Variants in PINX1 observed in about 807,000 individuals in gnomAD.
The protein encoded by PINX1 is PIN2/TERF1-interacting telomerase inhibitor 1.
In PINX1, 34 loss-of-function variants were observed where a neutral mutation model predicts 25.4. The ratio of observed to expected loss-of-function variants is 1.34; its 90% confidence interval spans 1.02 to 1.78. PINX1 has a LOEUF of 1.78. Among genes scored for constraint, PINX1 ranks in the 40% most tolerant of loss-of-function variants. PINX1 has a pLI of 0.00. For synonymous variants in PINX1, 197 were observed against 147.7 expected, an observed-to-expected ratio of 1.33 and a Z score of -2.42; for missense variants, 592 against 404.9, an observed-to-expected ratio of 1.46 and a Z score of -3.97.
intron 6 of PINX1, among the ~76,000 whole-genome samples, chr8:10,772,856 T>G (rs1297043280): frequency 6.6e-6 from 1 of 152,096 alleles, no homozygotes; most frequent in East Asian, 1.9e-4. Flanking sequence ...AAGCCCACTC[T>G]GCAGGGGTTC....
rs115837746 is a variant in PINX1 at position 10,769,307 on chromosome 8, T to C, written c.472-3391A>G. ...CCTAATAAAATAAGCAGGACTGGCCTAGTCTGTTCACAGCAAGCCTCACAG... is the reference window on the plus strand; with the variant it reads ...CCTAATAAAATAAGCAGGACTGGCCCAGTCTGTTCACAGCAAGCCTCACAG... On this transcript the variant is annotated intron_variant, in intron 6 of 6. Coordinates refer to ENST00000314787, the MANE Select transcript of PINX1 (RefSeq NM_017884.6). 4.6e-3 allele frequency among the ~76,000 whole-genome samples: 701 copies of C among 152,338 alleles called. 2 individuals carry two copies. The highest frequency in any genetic ancestry group is 0.016 in the African/African-American group (667 of 41,578).
Position 10,839,860 on chromosome 8 carries a change from G to A in PINX1, c.-104C>T. 4.7e-6 allele frequency: 5 copies of A among 1,075,022 alleles called. No homozygotes were observed. Among genetic ancestry groups the A allele is most frequent in the Non-Finnish European group, 5.4e-6 (4 of 746,098 alleles). The allele number at this position is 1,075,022 out of a possible 1,614,324, so 66.6% of individuals were successfully genotyped here. On this transcript the variant is annotated 5_prime_UTR_variant, in exon 1 of 7. Transcript: ENST00000314787. ...CAGGACGTGCGTAACTCCCTCGCCG[G>A]CGGACTGCAGCGGACGGGGCGCGTG...
At chr8:10,829,028 C>T (rs1285553877) in intron 4 of PINX1, among the ~76,000 whole-genome samples, 1 of 152,108 alleles carries the variant, frequency 6.6e-6, no homozygotes, top group Admixed American at 6.5e-5. Flanking sequence ...TGGCTAAAGC[C>T]TGTAACCCCA....
At chr8:10,804,331 G>T (rs953053617) in intron 6 of PINX1, among the ~76,000 whole-genome samples, 2 of 152,190 alleles carry the variant, frequency 1.3e-5, no homozygotes, top group African/African-American at 4.8e-5. Flanking sequence ...ATAAAACAAT[G>T]AGCCAGAACG....
intron 5 of PINX1, among the ~76,000 whole-genome samples, chr8:10,822,415 A>G (rs1371480749): frequency 6.6e-6 from 1 of 152,252 alleles, no homozygotes. Flanking sequence ...AATAGGAAAC[A>G]TCTATCTGGA....
At chr8:10,831,063 T>C (rs1205184234) in intron 4 of PINX1, among the ~76,000 whole-genome samples, 1 of 152,200 alleles carries the variant, frequency 6.6e-6, no homozygotes, top group Non-Finnish European at 1.5e-5. Flanking sequence ...CACCAACACA[T>C]GAACTGGGAA....
rs1563197589 is a variant in PINX1 at position 10,765,886 on chromosome 8, T to A, written c.502A>T (p.Asn168Tyr). The change falls in exon 7 of 7, where the codon AAC becomes TAC. Residue 168 changes from asparagine (N) to tyrosine (Y), a missense_variant. By Grantham distance (143) the Asn-to-Tyr change is moderately radical. Coordinates refer to ENST00000314787, the MANE Select transcript of PINX1 (RefSeq NM_017884.6). Reference protein sequence around the residue: ...GDASPSTPEENETTTTSAFTI... With the variant: ...GDASPSTPEEYETTTTSAFTI... ...AAGGCGCTGGTTGTCGTGGTTTCGT[T>A]CTCCTCTGGAGTGGAGGGACTGGCA... 4 of 1,613,778 alleles carry A rather than the reference T, an allele frequency of 2.5e-6. No homozygotes were observed. The highest frequency in any genetic ancestry group is 3.4e-6 in the Non-Finnish European group (4 of 1,179,884).
At chr8:10,825,525 G>C (rs1302965036) in intron 5 of PINX1, 1 of 523,838 alleles carries the variant, frequency 1.9e-6, no homozygotes, top group East Asian at 5.5e-5. Flanking sequence ...AGTGGCTGAA[G>C]ACAACAACCG....
At chr8:10,794,833 T>A (rs1802037763) in intron 6 of PINX1, among the ~76,000 whole-genome samples, 1 of 152,186 alleles carries the variant, frequency 6.6e-6, no homozygotes, top group South Asian at 2.1e-4. Flanking sequence ...CCATTTTGTT[T>A]TTAGTGACAT....
intron 6 of PINX1, among the ~76,000 whole-genome samples, chr8:10,786,538 C>G (rs933334649): frequency 1.3e-5 from 2 of 152,178 alleles, no homozygotes; most frequent in African/African-American, 4.8e-5. Flanking sequence ...ACCCCTCCAG[C>G]CTACTTTAGG....
intron 6 of PINX1, among the ~76,000 whole-genome samples, chr8:10,797,081 C>T (rs941274734): frequency 6.6e-6 from 1 of 152,066 alleles, no homozygotes; most frequent in East Asian, 1.9e-4. Flanking sequence ...CAGTAACACA[C>T]GTGAACCTCC....
Position 10,833,608 on chromosome 8 carries a change from AAT to A in PINX1, c.130-626_130-625del, listed in dbSNP as rs1466908594. The stretch of plus-strand genomic sequence containing the variant: ...ACTGGGGTGCGGGAGGCTGGAGAAG[AAT>A]GACAACTGGGGTGCGGGAGGCTGGA... On this transcript the variant is annotated intron_variant, in intron 2 of 6. Coordinates refer to ENST00000314787, the MANE Select transcript of PINX1 (RefSeq NM_017884.6). 147 of 64,270 alleles carry A rather than the reference AAT, an allele frequency of 2.3e-3. 16 individuals carry two copies. The highest frequency in any genetic ancestry group is 3.2e-3 in the African/African-American group (28 of 8,788). 4.0% of individuals were successfully genotyped at this position (64,270 alleles called of 1,614,324 possible).
intron 6 of PINX1, 28 bp downstream of exon 6, chr8:10,820,165 A>T: frequency 7.1e-7 from 1 of 1,402,508 alleles, no homozygotes; most frequent in East Asian, 2.3e-5. Flanking sequence ...ATTAAAGCGG[A>T]ACACGGAAAC....
chr8:10,785,604 G>C (rs1801723330), intron 6 of PINX1, among the ~76,000 whole-genome samples: 1 of 152,208 alleles, frequency 6.6e-6, no homozygotes, highest in Non-Finnish European at 1.5e-5. Flanking sequence ...GGGACAGTTT[G>C]AACAATAAGC....
chr8:10,826,302 T>C lies in PINX1; in HGVS notation c.302-58A>G, dbSNP rs1289787420. 1.0e-5 allele frequency: 9 copies of C among 902,378 alleles called. No homozygotes were observed. In the African/African-American group the frequency reaches 1.3e-4, roughly 14 times the overall value. The allele number at this position is 902,378 out of a possible 1,614,324, so 55.9% of individuals were successfully genotyped here. A position where few individuals can be genotyped will look rare whatever the true frequency, so the allele number is the denominator to read the frequency against. On this transcript the variant is annotated intron_variant, in intron 4 of 6. Coordinates refer to ENST00000314787, the MANE Select transcript of PINX1 (RefSeq NM_017884.6). Reference sequence around the variant, plus strand: ...CTTTCTAATCCAATCTCATTTATTCTCCTAACAGTGGATAGTCTTGAAAGA... The same window carrying C: ...CTTTCTAATCCAATCTCATTTATTCCCCTAACAGTGGATAGTCTTGAAAGA...
chr8:10,771,846 C>T (rs73200742), intron 6 of PINX1, among the ~76,000 whole-genome samples: 24,253 of 152,246 alleles, frequency 0.16, 2,456 homozygotes, highest in Non-Finnish European at 0.23. Flanking sequence ...TCCCTTGCCT[C>T]GTGATGCAAA....
chr8:10,805,219 G>A (rs1313708244), intron 6 of PINX1, among the ~76,000 whole-genome samples: 1 of 152,218 alleles, frequency 6.6e-6, no homozygotes, highest in African/African-American at 2.4e-5. Context: ...GGGCGTGCTT[G>A]GAGGAACCAT....
intron 5 of PINX1, among the ~76,000 whole-genome samples, 194 bp downstream of exon 5, chr8:10,825,958 T>G (rs1253411120): frequency 6.6e-6 from 1 of 152,246 alleles, no homozygotes; most frequent in Non-Finnish European, 1.5e-5. Flanking sequence ...ATCTCAGATC[T>G]CCTAGATCTG....
At chr8:10,770,397 C>A (rs1464249556) in intron 6 of PINX1, among the ~76,000 whole-genome samples, 2 of 152,192 alleles carry the variant, frequency 1.3e-5, no homozygotes, top group African/African-American at 2.4e-5. Context: ...CAGAGAGTCC[C>A]TGCGGGTATC....
Sources: gnomAD v4.1 joint callset for allele counts (sites outside exome capture counted in the v4.1 genomes callset) on GRCh38, gnomAD v4.1.1 for gene constraint, MANE v1.5 for transcripts, NCBI Gene and HGNC (gene_info 2026-07-23, HGNC 2026-07-21) for gene names.